Variants in GRIN3A observed in about 807,000 individuals in gnomAD.
GRIN3A encodes glutamate ionotropic receptor NMDA type subunit 3A.
GRIN3A carries 47 observed loss-of-function variants against 92.4 expected under a neutral mutation model. That is an observed-to-expected ratio of 0.51 (90% CI 0.40 to 0.65). The LOEUF (loss-of-function observed/expected upper bound fraction) is 0.65. Among genes scored for constraint, GRIN3A ranks in the 30% least tolerant of loss-of-function variants. GRIN3A has a pLI of 0.00. For missense variants in GRIN3A, 1,324 were observed against 1,393.1 expected, an observed-to-expected ratio of 0.95 and a Z score of 0.79; for synonymous variants, 527 against 540.6, an observed-to-expected ratio of 0.97 and a Z score of 0.35.
intron 1 of GRIN3A, among the ~76,000 whole-genome samples, chr9:101,722,500 C>T (rs1249402817): frequency 1.3e-5 from 2 of 152,204 alleles, no homozygotes; most frequent in South Asian, 2.1e-4. Flanking sequence ...CAGCTTTTAC[C>T]ATATGCCTGG....
At chr9:101,648,817 G>A (rs1564135061) in intron 3 of GRIN3A, among the ~76,000 whole-genome samples, 1 of 151,996 alleles carries the variant, frequency 6.6e-6, no homozygotes, top group East Asian at 1.9e-4. Flanking sequence ...TACATTTGAG[G>A]AGACAGCCAT....
chr9:101,584,952 C>T (rs1827932010), intron 6 of GRIN3A, among the ~76,000 whole-genome samples: 1 of 152,210 alleles, frequency 6.6e-6, no homozygotes, highest in Non-Finnish European at 1.5e-5. Flanking sequence ...ATCTATGCAG[C>T]TAATCCTTCC....
At chr9:101,694,420 AG>A (rs1336471946) in intron 1 of GRIN3A, among the ~76,000 whole-genome samples, 28 of 152,180 alleles carry the variant, frequency 1.8e-4, no homozygotes, top group African/African-American at 6.8e-4. Flanking sequence ...CGGGCATAAC[AG>A]GTTGATTGTT....
chr9:101,712,861 T>A (rs1829896811), intron 1 of GRIN3A, among the ~76,000 whole-genome samples: 1 of 152,352 alleles, frequency 6.6e-6, no homozygotes. Flanking sequence ...AATTATTTCA[T>A]TTAATCCTTA....
chr9:101,607,313 TA>T (rs891781743), intron 6 of GRIN3A, among the ~76,000 whole-genome samples: 1 of 152,230 alleles, frequency 6.6e-6, no homozygotes, highest in African/African-American at 2.4e-5. Flanking sequence ...CTAGTAATTC[TA>T]TTACTAGGTC....
chr9:101,646,143 T>G (rs1002467568), intron 3 of GRIN3A, among the ~76,000 whole-genome samples: 4 of 151,886 alleles, frequency 2.6e-5, no homozygotes, highest in Non-Finnish European at 5.9e-5. Context: ...CCAAAAAATC[T>G]GCCAAGACCA....
At chr9:101,663,222 A>T (rs539192049) in intron 3 of GRIN3A, among the ~76,000 whole-genome samples, 2 of 151,932 alleles carry the variant, frequency 1.3e-5, no homozygotes, top group African/African-American at 4.8e-5. Flanking sequence ...TTCTTTCCCC[A>T]TTCAGATCAG....
chr9:101,720,807 A>G (rs1282495899), intron 1 of GRIN3A, among the ~76,000 whole-genome samples: 2 of 152,116 alleles, frequency 1.3e-5, no homozygotes, highest in Non-Finnish European at 2.9e-5. Flanking sequence ...GTGCTTTCTC[A>G]TGGAAACATA....
chr9:101,576,528 G>C (rs990366357), intron 8 of GRIN3A, among the ~76,000 whole-genome samples: 1 of 152,316 alleles, frequency 6.6e-6, no homozygotes, highest in Non-Finnish European at 1.5e-5. Context: ...CACAGTTGGA[G>C]ATGGGATCAT....
At chr9:101,704,156 T>TA (rs78969089) in intron 1 of GRIN3A, among the ~76,000 whole-genome samples, 3,062 of 151,764 alleles carry the variant, frequency 0.02, 33 homozygotes, top group Non-Finnish European at 0.033. Flanking sequence ...TAGCTGTTAT[T>TA]AAAAAAAAAT....
At chr9:101,597,410 G>A (rs950499146) in intron 6 of GRIN3A, among the ~76,000 whole-genome samples, 3 of 152,184 alleles carry the variant, frequency 2.0e-5, no homozygotes, top group Admixed American at 6.5e-5. Context: ...CAGAACAACA[G>A]ATGGACATTA....
intron 3 of GRIN3A, among the ~76,000 whole-genome samples, chr9:101,658,484 C>T (rs979650704): frequency 6.6e-6 from 1 of 151,602 alleles, no homozygotes; most frequent in East Asian, 2.0e-4. Context: ...AATTGATTTA[C>T]CTCCATTAAT....
chr9:101,723,672 A>G (rs1348246908), intron 1 of GRIN3A, among the ~76,000 whole-genome samples: 1 of 152,038 alleles, frequency 6.6e-6, no homozygotes, highest in Admixed American at 6.5e-5. Context: ...GCTAGACACA[A>G]AGGTTCTCCA....
chr9:101,610,916 G>A (rs987756649), intron 6 of GRIN3A, among the ~76,000 whole-genome samples: 4 of 151,978 alleles, frequency 2.6e-5, no homozygotes, highest in African/African-American at 9.7e-5. Flanking sequence ...GGCTAACATG[G>A]TTAAACCCTG....
Position 101,738,223 on chromosome 9 carries a change from A to AGCAG in GRIN3A, c.-248_-245dup, listed in dbSNP as rs1830245193. On this transcript the variant is annotated 5_prime_UTR_variant, in exon 1 of 9. Transcript: ENST00000361820. ...CTCTGCCCGCCCGGTCACTGCGCTG[A>AGCAG]GCAGGCAGGCGGGCGGGCCGGCGCC... 3.6e-6 allele frequency: 2 copies of AGCAG among 550,852 alleles called. No homozygotes were observed. Among genetic ancestry groups the AGCAG allele is most frequent in the South Asian group, 2.1e-5 (1 of 47,540 alleles). The allele number at this position is 550,852 out of a possible 1,614,324, so 34.1% of individuals were successfully genotyped here.
At chr9:101,633,682 C>G (rs1228212017) in intron 3 of GRIN3A, among the ~76,000 whole-genome samples, 2 of 152,110 alleles carry the variant, frequency 1.3e-5, no homozygotes, top group Non-Finnish European at 2.9e-5. Flanking sequence ...GTTGCACATC[C>G]CTTACAAGAA....
intron 1 of GRIN3A, among the ~76,000 whole-genome samples, chr9:101,712,319 C>A (rs1829888426): frequency 6.6e-6 from 1 of 152,142 alleles, no homozygotes; most frequent in African/African-American, 2.4e-5. Flanking sequence ...CACTAAATTT[C>A]TCTCTTAATG....
chr9:101,725,706 A>G (rs1280317422), intron 1 of GRIN3A, among the ~76,000 whole-genome samples: 1 of 152,206 alleles, frequency 6.6e-6, no homozygotes, highest in Non-Finnish European at 1.5e-5. Context: ...GCCCACTAAA[A>G]ATTGTGTTAT....
intron 2 of GRIN3A, among the ~76,000 whole-genome samples, chr9:101,675,404 A>G (rs938652150): frequency 6.6e-6 from 1 of 151,928 alleles, no homozygotes; most frequent in Non-Finnish European, 1.5e-5. Context: ...TAGAAGCCAT[A>G]TTTGCATGCA....
Sources: allele counts gnomAD v4.1 joint callset (sites outside exome capture counted in the v4.1 genomes callset), GRCh38; gene constraint gnomAD v4.1.1; transcripts MANE v1.5; gene names NCBI Gene and HGNC (gene_info 2026-07-23, HGNC 2026-07-21).